KCNMA1: variants seen among roughly 807,000 people sequenced by gnomAD.
The protein encoded by KCNMA1 is Calcium-activated potassium channel subunit alpha-1.
Under a neutral mutation model 140.0 loss-of-function variants are expected in KCNMA1, and 29 were observed. The ratio of observed to expected loss-of-function variants is 0.21; its 90% CI spans 0.15 to 0.28. The LOEUF (loss-of-function observed/expected upper bound fraction) is 0.28. Ranked by LOEUF, KCNMA1 falls within the 10% of genes least tolerant of loss-of-function variation. The pLI, the probability that KCNMA1 is intolerant of heterozygous loss-of-function variation, is 1.00. For missense variants in KCNMA1, 880 were observed against 1,602.2 expected, an observed-to-expected ratio of 0.55 and a Z score of 7.70; for synonymous variants, 612 against 611.9, an observed-to-expected ratio of 1.00 and a Z score of 0.00.
rs557486899 is a variant in KCNMA1, at chr10:76,900,111, TATC to T, written c.3148-8395_3148-8393del. On this transcript the variant is annotated intron_variant, in intron 25 of 27. Coordinates refer to ENST00000286628, the MANE Select transcript of KCNMA1 (RefSeq NM_001161352.2). Reference sequence around the variant, plus strand: ...AATGATTCCTTTTAATGTTTTCAATTATCATATGTTTATAAAATGTAGAGATCA... The same window carrying T: ...AATGATTCCTTTTAATGTTTTCAATTATATGTTTATAAAATGTAGAGATCA... Among the ~76,000 whole-genome samples the T allele has an allele frequency of 4.2e-3, 638 of 152,226 alleles. 4 individuals carry two copies. The highest frequency in any genetic ancestry group is 0.014 in the African/African-American group (600 of 41,586).
intron 1 of KCNMA1, among the ~76,000 whole-genome samples, chr10:77,416,311 C>T (rs1016334137): frequency 2.6e-5 from 4 of 152,118 alleles, no homozygotes; most frequent in African/African-American, 9.7e-5. Context: ...CTGGCCCACA[C>T]AATAGGGGAA....
At chr10:77,149,654 A>G (rs2098383245) in intron 5 of KCNMA1, among the ~76,000 whole-genome samples, 2 of 152,214 alleles carry the variant, frequency 1.3e-5, no homozygotes, top group South Asian at 4.1e-4. Flanking sequence ...AAACCCATGC[A>G]TAGTGAAATA....
rs201813895 is a variant in KCNMA1 at position 76,886,177 on chromosome 10, C to G, written c.*1089G>C. 1.0e-6 allele frequency: 1 copy of G among 985,396 alleles called. No homozygotes were observed. Among genetic ancestry groups the G allele is most frequent in the South Asian group, 4.7e-5 (1 of 21,292 alleles). The allele number at this position is 985,396 out of a possible 1,614,324, so 61.0% of individuals were successfully genotyped here. On this transcript the variant is annotated 3_prime_UTR_variant, in exon 28 of 28. Transcript: ENST00000286628. ...CATGATCTGCAGCTGGGTTTGTCTT[C>G]CTCTCACTCTACCATTGCCCCAGCC...
intron 23 of KCNMA1, among the ~76,000 whole-genome samples, chr10:76,916,860 T>C (rs1230746204): frequency 1.3e-5 from 2 of 152,218 alleles, no homozygotes; most frequent in South Asian, 2.1e-4. Context: ...TCTTACTTTC[T>C]GCTCTCCCGT....
chr10:76,885,530 G>A lies in KCNMA1; in HGVS notation c.*1736C>T, dbSNP rs187641247. On this transcript the variant is annotated 3_prime_UTR_variant, in exon 28 of 28. Transcript: ENST00000286628. Reference sequence around the variant, plus strand: ...AAAACTATCATGCTTGAGGGGACGGGGGATCCAAAATCTAAATCCAAAACA... The same window carrying A: ...AAAACTATCATGCTTGAGGGGACGGAGGATCCAAAATCTAAATCCAAAACA... The A allele has an allele frequency of 7.1e-6, 7 of 985,140 alleles. No individual in the cohort carries two copies. In the East Asian group the frequency reaches 6.8e-4, roughly 96 times the overall value. The allele number at this position is 985,140 out of a possible 1,614,324, so 61.0% of individuals were successfully genotyped here.
chr10:76,920,054 A>ATATG (rs2055014247), intron 23 of KCNMA1, among the ~76,000 whole-genome samples: 2 of 113,584 alleles, frequency 1.8e-5, no homozygotes, highest in South Asian at 5.7e-4. Flanking sequence ...ATATATATAC[A>ATATG]CACAATATTC....
intron 3 of KCNMA1, among the ~76,000 whole-genome samples, chr10:77,218,151 T>C (rs928530818): frequency 2.6e-5 from 4 of 151,990 alleles, no homozygotes; most frequent in South Asian, 2.1e-4. Context: ...CTCTTGACAG[T>C]TGAGAGGGAG....
chr10:77,000,832 G>A (rs898272365), intron 19 of KCNMA1, among the ~76,000 whole-genome samples: 5 of 117,524 alleles, frequency 4.3e-5, no homozygotes, highest in Non-Finnish European at 8.5e-5. Flanking sequence ...ATGAGGCACA[G>A]GTTAGAGAGA....
chr10:77,251,917 C>T (rs143851817), intron 2 of KCNMA1, among the ~76,000 whole-genome samples: 44 of 152,268 alleles, frequency 2.9e-4, no homozygotes, highest in African/African-American at 8.9e-4. Context: ...CAAATTTGCT[C>T]GTACAAATGT....
chr10:76,873,859 A>G (rs1191278994), downstream of KCNMA1: 2 of 152,226 alleles, frequency 1.3e-5, no homozygotes, highest in South Asian at 2.1e-4. Context: ...TGGTTAGTTT[A>G]TTAATGAAAG....
At chr10:77,233,544 CAA>C (rs2054329322) in intron 3 of KCNMA1, among the ~76,000 whole-genome samples, 1 of 152,224 alleles carries the variant, frequency 6.6e-6, no homozygotes. Flanking sequence ...GATCAAACAG[CAA>C]ACTGTTTATC....
At chr10:77,486,040 C>T (rs577954562) in intron 1 of KCNMA1, among the ~76,000 whole-genome samples, 15 of 152,230 alleles carry the variant, frequency 9.9e-5, no homozygotes, top group Non-Finnish European at 1.9e-4. Context: ...AGCTGGAGGC[C>T]ATTCCCTGCT....
chr10:77,526,150 T>A (rs2055544150), intron 1 of KCNMA1, among the ~76,000 whole-genome samples: 2 of 152,174 alleles, frequency 1.3e-5, no homozygotes, highest in African/African-American at 4.8e-5. Flanking sequence ...AAGCTGTCAC[T>A]AAGGACAGTA....
intron 1 of KCNMA1, among the ~76,000 whole-genome samples, chr10:77,423,060 T>C (rs924847433): frequency 6.6e-6 from 1 of 152,258 alleles, no homozygotes; most frequent in African/African-American, 2.4e-5. Context: ...GAAGCCACGA[T>C]GTCAGCTGTC....
At chr10:77,151,837 A>T (rs1245621962) in intron 5 of KCNMA1, among the ~76,000 whole-genome samples, 1 of 152,244 alleles carries the variant, frequency 6.6e-6, no homozygotes, top group East Asian at 1.9e-4. Flanking sequence ...TGGGCAGGAA[A>T]ATCATTGAGT....
At chr10:77,025,242 G>GTGTGTATA (rs1436772387) in intron 16 of KCNMA1, among the ~76,000 whole-genome samples, 7 of 42,768 alleles carry the variant, frequency 1.6e-4, no homozygotes, top group Admixed American at 3.5e-4. Context: ...GGGTGTGTGT[G>GTGTGTATA]TATATATATA....
At chr10:77,488,754 T>C (rs1484992262) in intron 1 of KCNMA1, among the ~76,000 whole-genome samples, 1 of 152,140 alleles carries the variant, frequency 6.6e-6, no homozygotes, top group Non-Finnish European at 1.5e-5. Context: ...AGGGCAGCCA[T>C]GTTCTCTGGA....
intron 13 of KCNMA1, among the ~76,000 whole-genome samples, chr10:77,076,147 CAA>C (rs2096389160): frequency 2.0e-5 from 3 of 151,628 alleles, no homozygotes; most frequent in Admixed American, 2.0e-4. Context: ...CGATTTAATA[CAA>C]TTGCCCAAGT....
chr10:77,200,620 G>A (rs1446500847), intron 3 of KCNMA1, among the ~76,000 whole-genome samples: 2 of 150,116 alleles, frequency 1.3e-5, no homozygotes, highest in Non-Finnish European at 3.0e-5. Context: ...AGAAATGACA[G>A]CACATGTCTC....
Sources: gnomAD v4.1 joint callset for allele counts (sites outside exome capture counted in the v4.1 genomes callset) on GRCh38, gnomAD v4.1.1 for gene constraint, MANE v1.5 for transcripts, NCBI Gene and HGNC (gene_info 2026-07-23, HGNC 2026-07-21) for gene names.